The following LAMA1 variants were observed in gnomAD, a reference collection of about 807,000 sequenced individuals.
The protein encoded by LAMA1 is laminin subunit alpha-1.
Under a neutral mutation model 348.7 loss-of-function variants are expected in LAMA1, and 219 were observed. The ratio of observed to expected loss-of-function variants is 0.63; its 90% CI spans 0.56 to 0.70. The LOEUF is 0.70. Ranked by LOEUF, LAMA1 falls within the 30% of genes least tolerant of loss-of-function variation. The pLI is 0.00. For synonymous variants in LAMA1, 1,487 were observed against 1,491.0 expected, an observed-to-expected ratio of 1.00 and a Z score of 0.06; for missense variants, 3,744 against 3,888.0, an observed-to-expected ratio of 0.96 and a Z score of 0.99.
intron 5 of LAMA1, 64 bp from the exon 6 acceptor site, chr18:7,046,431 GCACA>G: frequency 6.5e-6 from 6 of 929,538 alleles, no homozygotes; most frequent in Non-Finnish European, 1.1e-5. Flanking sequence ...GAAAATGTTG[GCACA>G]CCAACAAATA....
At chr18:7,063,077 T>A (rs1598302280) in intron 3 of LAMA1, among the ~76,000 whole-genome samples, 1 of 152,206 alleles carries the variant, frequency 6.6e-6, no homozygotes, top group Non-Finnish European at 1.5e-5. Context: ...ACCTATTAGT[T>A]ATACATTTAC....
chr18:7,098,764 A>AG (rs2058276441), intron 1 of LAMA1, among the ~76,000 whole-genome samples: 1 of 126,912 alleles, frequency 7.9e-6, no homozygotes, highest in Non-Finnish European at 1.7e-5. Flanking sequence ...CCAGGAGGTG[A>AG]GGGGCGCCTC....
intron 51 of LAMA1, among the ~76,000 whole-genome samples, chr18:6,962,733 G>T (rs1311212962): frequency 6.6e-6 from 1 of 152,198 alleles, no homozygotes; most frequent in Non-Finnish European, 1.5e-5. Context: ...ACAAGTGCAG[G>T]TAATGCTATT....
intron 42 of LAMA1, among the ~76,000 whole-genome samples, chr18:6,979,654 C>T (rs1336662393): frequency 1.3e-5 from 2 of 152,298 alleles, no homozygotes; most frequent in South Asian, 4.1e-4. Context: ...AATCCCAACA[C>T]TTTGGGAGGC....
intron 22 of LAMA1, among the ~76,000 whole-genome samples, chr18:7,014,458 C>T (rs756899047): frequency 1.3e-5 from 2 of 151,980 alleles, no homozygotes; most frequent in Non-Finnish European, 2.9e-5. Context: ...CCCGTCTCTA[C>T]AAATAATCAA....
intron 1 of LAMA1, among the ~76,000 whole-genome samples, chr18:7,092,466 A>C (rs2143803316): frequency 6.6e-6 from 1 of 152,154 alleles, no homozygotes; most frequent in African/African-American, 2.4e-5. Flanking sequence ...TCTACTAAAA[A>C]TACAAAAAAA....
rs915123741 is a variant in LAMA1, at chr18:6,963,563, A to G, written c.7337+1099T>C. On this transcript the variant is annotated intron_variant, in intron 51 of 62. Transcript: ENST00000389658. ...TGGCTCTCTCTACAAAAGGCTGCTCATCATAGCAACTGAATGGCTGCAGCT... is the reference window on the plus strand; with the variant it reads ...TGGCTCTCTCTACAAAAGGCTGCTCGTCATAGCAACTGAATGGCTGCAGCT... Among the ~76,000 whole-genome samples the G allele has an allele frequency of 7.9e-5, 12 of 152,228 alleles. No homozygotes were observed. The East Asian group carries it at 9.6e-4, about 12-fold the overall frequency.
intron 3 of LAMA1, among the ~76,000 whole-genome samples, chr18:7,057,072 A>G (rs565684816): frequency 4.1e-4 from 63 of 152,158 alleles, no homozygotes; most frequent in African/African-American, 1.5e-3. Context: ...AGGTTTTACC[A>G]TATTGGCCAG....
chr18:6,995,662 T>C (rs1342233229), intron 33 of LAMA1, among the ~76,000 whole-genome samples: 4 of 152,206 alleles, frequency 2.6e-5, no homozygotes, highest in Non-Finnish European at 4.4e-5. Flanking sequence ...CTGATATAGA[T>C]ATAAATTTAA....
chr18:6,958,563 C>T lies in LAMA1; in HGVS notation c.7878G>A (p.Gly2626=), dbSNP rs548696345. ...ACGTCCCCTCTCCCTCTGGAATTCC[C>T]CCGACGTACAGATTGGACACATTTA... ...RTINVSNLYV[G]GIPEGEGTSL... Residue 2626 remains glycine (G), a synonymous_variant, in exon 55 of 63, where the codon GGG becomes GGA. Transcript: ENST00000389658. The T allele has an allele frequency of 6.2e-7, 1 of 1,614,144 alleles. No homozygotes were observed. Among genetic ancestry groups the T allele is most frequent in the South Asian group, 1.1e-5 (1 of 91,084 alleles).
At chr18:6,973,445 T>C (rs1056908149) in intron 46 of LAMA1, among the ~76,000 whole-genome samples, 1 of 152,120 alleles carries the variant, frequency 6.6e-6, no homozygotes, top group African/African-American at 2.4e-5. Context: ...TGAGCTAAAC[T>C]GTATCTGAAG....
intron 27 of LAMA1, among the ~76,000 whole-genome samples, chr18:7,008,915 G>A (rs1037576051): frequency 6.6e-6 from 1 of 152,182 alleles, no homozygotes; most frequent in Non-Finnish European, 1.5e-5. Context: ...GTAGGTGACA[G>A]CATTCTTTAT....
intron 1 of LAMA1, among the ~76,000 whole-genome samples, chr18:7,081,804 T>C (rs1380409869): frequency 6.6e-6 from 1 of 152,198 alleles, no homozygotes; most frequent in African/African-American, 2.4e-5. Context: ...GTGGCGTTTC[T>C]CTAACATAGT....
chr18:6,947,112 C>G (rs367553566), intron 61 of LAMA1, 51 bp downstream of exon 61: 1 of 1,612,504 alleles, frequency 6.2e-7, no homozygotes, highest in South Asian at 1.1e-5. Context: ...CTCAATTGCT[C>G]TGTCTCTGAC....
chr18:7,012,166 T>C (rs1906341350), intron 23 of LAMA1, 28 bp from the exon 24 acceptor site: 3 of 1,612,190 alleles, frequency 1.9e-6, no homozygotes, highest in Admixed American at 1.7e-5. Context: ...AAGGACTCGT[T>C]TTTGCCTAAA....
At position 6,995,422 on chromosome 18, in the gene LAMA1, G is replaced by A. The variant is rs1237355651; in HGVS notation, c.4831C>T (p.Gln1611Ter). 6.2e-7 allele frequency: 1 copy of A among 1,609,220 alleles called. No individual in the cohort carries two copies. The highest frequency in any genetic ancestry group is 1.7e-5 in the Admixed American group (1 of 60,002). The change falls in exon 34 of 63, where the codon CAA becomes TAA. Residue 1611 changes from glutamine (Q) to a stop codon, truncating the protein, a stop_gained. Transcript: ENST00000389658. LOFTEE classifies it high-confidence loss of function. ...AGCTTAATTTTTCCCAGGTCCTTTT[G>A]CATATTTTCTTTTAATAAAGATTCC... ...LQESLLKENM[Q>*]KDLGKIKLEG...
intron 48 of LAMA1, among the ~76,000 whole-genome samples, chr18:6,969,773 T>A (rs1344893356): frequency 6.6e-6 from 1 of 151,994 alleles, no homozygotes; most frequent in Non-Finnish European, 1.5e-5. Flanking sequence ...TGTGTGGAAA[T>A]CCGGAGGCAG....
chr18:6,962,121 A>G (rs546715235), intron 51 of LAMA1, 62 bp from the exon 52 acceptor site: 1 of 1,153,060 alleles, frequency 8.7e-7, no homozygotes, highest in African/African-American at 1.5e-5. Context: ...TTTTTGAAAG[A>G]AGGAATACAA....
intron 61 of LAMA1, 47 bp downstream of exon 61, chr18:6,947,114 GTC>G (rs2057525117): frequency 6.2e-7 from 1 of 1,612,844 alleles, no homozygotes; most frequent in African/African-American, 1.3e-5. Flanking sequence ...CAATTGCTCT[GTC>G]TCTGACACTG....
Sources: gnomAD v4.1 joint callset for allele counts (sites outside exome capture counted in the v4.1 genomes callset) on GRCh38, gnomAD v4.1.1 for gene constraint, MANE v1.5 for transcripts, NCBI Gene and HGNC (gene_info 2026-07-23, HGNC 2026-07-21) for gene names.